LIN52: variants seen among roughly 807,000 people sequenced by gnomAD.
LIN52 encodes lin-52 DREAM MuvB core complex component.
LIN52 carries 4 observed loss-of-function variants against 18.5 expected under a neutral mutation model. The ratio of observed to expected loss-of-function variants is 0.22; its 90% CI spans 0.11 to 0.49. The LOEUF is 0.49. LIN52 is among the 20% of genes least tolerant of loss of function. The probability of loss-of-function intolerance (pLI) is 0.97; values close to 1 mark genes in which losing one functional copy is unlikely to be tolerated. For missense variants in LIN52, 102 were observed against 139.5 expected, an observed-to-expected ratio of 0.73 and a Z score of 1.35; for synonymous variants, 34 against 45.5, an observed-to-expected ratio of 0.75 and a Z score of 1.02.
intron 5 of LIN52, among the ~76,000 whole-genome samples, chr14:74,160,224 C>T (rs1236328757): frequency 1.3e-5 from 2 of 152,132 alleles, no homozygotes; most frequent in African/African-American, 2.4e-5. Flanking sequence ...TGAAAAGAGA[C>T]ACAGGGAGAA....
intron 5 of LIN52, chr14:74,174,558 A>G (rs2061284273): frequency 6.6e-6 from 1 of 152,006 alleles, no homozygotes. Flanking sequence ...GCGCTATGCC[A>G]ATCAGGTATC....
At chr14:74,117,310 G>A (rs2060971075) in intron 5 of LIN52, among the ~76,000 whole-genome samples, 1 of 152,170 alleles carries the variant, frequency 6.6e-6, no homozygotes, top group African/African-American at 2.4e-5. Context: ...GCAAATGTTG[G>A]CCAAGATGTT....
intron 5 of LIN52, among the ~76,000 whole-genome samples, chr14:74,182,719 G>A (rs2061323575): frequency 6.6e-6 from 1 of 152,132 alleles, no homozygotes; most frequent in Non-Finnish European, 1.5e-5. Flanking sequence ...GGACCTGAAA[G>A]TTAGTCTTGC....
Position 74,200,197 on chromosome 14 carries a change from A to C in LIN52, c.*1220A>C, listed in dbSNP as rs1010039436. 9.3e-6 allele frequency: 1 copy of C among 108,072 alleles called. No individual in the cohort carries two copies. Among genetic ancestry groups the C allele is most frequent in the Non-Finnish European group, 2.2e-5 (1 of 45,044 alleles). 6.7% of individuals were successfully genotyped at this position (108,072 alleles called of 1,614,324 possible). A position where few individuals can be genotyped will look rare whatever the true frequency, so the allele number is the denominator to read the frequency against. ...TTTGGGAGGCCGAGGCAGGTGGATC[A>C]TAGGTCAAAAGATCGAGACCATCCT... On this transcript the variant is annotated 3_prime_UTR_variant, in exon 6 of 6. Coordinates refer to ENST00000555028, the MANE Select transcript of LIN52 (RefSeq NM_001024674.3).
chr14:74,151,966 CTGT>C (rs1179214465), intron 5 of LIN52, among the ~76,000 whole-genome samples: 1 of 151,990 alleles, frequency 6.6e-6, no homozygotes, highest in Admixed American at 6.6e-5. Flanking sequence ...ATTAAGTGTG[CTGT>C]TGTTAGGCAG....
chr14:74,161,189 A>G (rs1198779138), intron 5 of LIN52, among the ~76,000 whole-genome samples: 1 of 152,008 alleles, frequency 6.6e-6, no homozygotes, highest in Non-Finnish European at 1.5e-5. Context: ...GGAAAAATTT[A>G]TTTATTTATT....
At chr14:74,098,814 C>T (rs1399992293) in intron 4 of LIN52, among the ~76,000 whole-genome samples, 1 of 152,180 alleles carries the variant, frequency 6.6e-6, no homozygotes, top group Non-Finnish European at 1.5e-5. Context: ...TCCCAGAGTG[C>T]TGGGATTACA....
chr14:74,137,776 G>A (rs2061106826), intron 5 of LIN52, among the ~76,000 whole-genome samples: 1 of 152,170 alleles, frequency 6.6e-6, no homozygotes, highest in Admixed American at 6.5e-5. Flanking sequence ...GAGATTACAG[G>A]CATGAGCCAC....
intron 5 of LIN52, among the ~76,000 whole-genome samples, chr14:74,107,422 T>C (rs928084615): frequency 6.6e-6 from 1 of 152,180 alleles, no homozygotes; most frequent in Admixed American, 6.5e-5. Context: ...CCCCATCTTC[T>C]TAGTTCTACT....
rs145632446 is a variant in LIN52, at chr14:74,182,037, G to T, written c.284-16885G>T. ...TATTTGTTTATTTTTTTGAGACAAGGTCTCACTCTGTCACCCAGGTTAGAG... is the reference window on the plus strand; with the variant it reads ...TATTTGTTTATTTTTTTGAGACAAGTTCTCACTCTGTCACCCAGGTTAGAG... On this transcript the variant is annotated intron_variant, in intron 5 of 5. Coordinates refer to ENST00000555028, the MANE Select transcript of LIN52 (RefSeq NM_001024674.3). 3.4e-3 allele frequency among the ~76,000 whole-genome samples: 518 copies of T among 152,280 alleles called. 2 individuals carry two copies. Among genetic ancestry groups the T allele is most frequent in the Non-Finnish European group, 5.2e-3 (356 of 68,026 alleles).
chr14:74,130,948 AT>A (rs142747496), intron 5 of LIN52, among the ~76,000 whole-genome samples: 22,745 of 149,556 alleles, frequency 0.15, 2,281 homozygotes, highest in Non-Finnish European at 0.23. Context: ...ATGAATTAAA[AT>A]TTTTATTATT....
intron 3 of LIN52, among the ~76,000 whole-genome samples, chr14:74,097,429 T>C (rs949730954): frequency 4.0e-5 from 4 of 99,898 alleles, no homozygotes; most frequent in Non-Finnish European, 6.7e-5. Flanking sequence ...CTTTTTCTTT[T>C]TTTTTTTTTT....
chr14:74,107,702 A>G (rs530922945), intron 5 of LIN52, among the ~76,000 whole-genome samples: 1 of 152,190 alleles, frequency 6.6e-6, no homozygotes, highest in South Asian at 2.1e-4. Flanking sequence ...TGAAGACCAC[A>G]GACCAGTTAG....
At chr14:74,114,272 A>G (rs1433091501) in intron 5 of LIN52, 1 of 985,024 alleles carries the variant, frequency 1.0e-6, no homozygotes, top group East Asian at 1.1e-4. Flanking sequence ...CTGTGTCATT[A>G]AAAGTTCTAC....
chr14:74,091,599 T>A (rs912487592), intron 2 of LIN52, among the ~76,000 whole-genome samples: 2 of 151,192 alleles, frequency 1.3e-5, no homozygotes, highest in Non-Finnish European at 2.9e-5. Context: ...TGAAACCCTG[T>A]CTCTACTAAA....
Position 74,089,544 on chromosome 14 carries a change from T to C in LIN52, c.20-1688T>C, listed in dbSNP as rs1464394302. Among the ~76,000 whole-genome samples, 18 of 151,990 alleles carry C rather than the reference T, an allele frequency of 1.2e-4. 1 individual carries two copies. The highest frequency in any genetic ancestry group is 1.2e-3 in the Admixed American group (18 of 15,228). Reference sequence around the variant, plus strand: ...CACCACACCTGGCTAATTTTTTTGCTTTTTGTAGAGATGGGTTTTCACTAT... The same window carrying C: ...CACCACACCTGGCTAATTTTTTTGCCTTTTGTAGAGATGGGTTTTCACTAT... On this transcript the variant is annotated intron_variant, in intron 1 of 5. Transcript: ENST00000555028.
At chr14:74,094,887 C>T in intron 2 of LIN52, among the ~76,000 whole-genome samples, 1 of 151,894 alleles carries the variant, frequency 6.6e-6, no homozygotes, top group Non-Finnish European at 1.5e-5. Flanking sequence ...GCCGCCACAC[C>T]CAGCTAATCT....
At chr14:74,193,751 A>G (rs965923449) in intron 5 of LIN52, among the ~76,000 whole-genome samples, 2 of 152,056 alleles carry the variant, frequency 1.3e-5, no homozygotes, top group Non-Finnish European at 1.5e-5. Flanking sequence ...TAATTTGCCT[A>G]TGTGGCCCAG....
intron 5 of LIN52, among the ~76,000 whole-genome samples, chr14:74,102,949 C>T (rs1340191414): frequency 2.0e-5 from 3 of 152,084 alleles, no homozygotes; most frequent in Non-Finnish European, 4.4e-5. Flanking sequence ...CAACATATAG[C>T]CAATCTTGTT....
Sources: gnomAD v4.1 joint callset for allele counts (sites outside exome capture counted in the v4.1 genomes callset) on GRCh38, gnomAD v4.1.1 for gene constraint, MANE v1.5 for transcripts, NCBI Gene and HGNC (gene_info 2026-07-23, HGNC 2026-07-21) for gene names.